Variants in CAPN14 observed in about 807,000 individuals in gnomAD.
CAPN14 encodes calpain-14.
A neutral mutation model predicts 101.3 loss-of-function variants in CAPN14; 94 were observed. The observed-to-expected ratio is 0.93, with a 90% CI of 0.79 to 1.10. The LOEUF is 1.10. CAPN14 is among the 50% of genes least tolerant of loss of function. The pLI, the probability that CAPN14 is intolerant of heterozygous loss-of-function variation, is 0.00. For synonymous variants in CAPN14, 338 were observed against 317.9 expected (o/e 1.06, Z -0.67); for missense variants, 837 against 828.4 (o/e 1.01, Z -0.13).
At chr2:31,233,678 C>A (rs897043442) in intron 1 of CAPN14, 1 of 152,068 alleles carries the variant, frequency 6.6e-6, no homozygotes, top group Non-Finnish European at 1.5e-5. Flanking sequence ...TTTGACTTCA[C>A]CCTAAGCCTA....
At position 31,189,371 on chromosome 2, in the gene CAPN14, A is replaced by T. The variant is rs370557764; in HGVS notation, c.1395T>A (p.Cys465Ter). The change falls in exon 13 of 22, where the codon TGT becomes TGA. Residue 465 changes from cysteine to a stop codon, truncating the protein, a stop_gained. Coordinates refer to ENST00000403897, the MANE Select transcript of CAPN14 (RefSeq NM_001145122.2). LOFTEE classifies it high-confidence loss of function. ...CGATGAGGTACGTCCCTGGTTCCAG[A>T]CACAGCTCCTGACTCACTTCTTTCT... ...LKEKEVSQEL[C>*]LEPGTYLIVP... 7.7e-6 allele frequency: 12 copies of T among 1,551,636 alleles called. No homozygotes were observed. In the African/African-American group the frequency reaches 1.5e-4, roughly 19 times the overall value.
chr2:31,230,840 T>C lies in CAPN14; in HGVS notation c.-177+2951A>G, dbSNP rs1572454933. The stretch of plus-strand genomic sequence containing the variant: ...TAAATTTTGCTAGTGCTAAACTTAG[T>C]TTTTTTCATTTTTCAGTTTGTGCTT... On this transcript the variant is annotated intron_variant and NMD_transcript_variant, in intron 1 of 21. Transcript: ENST00000398824. This position sits in a 1 kb window ranked among gnomAD's most constrained non-coding sequence, Gnocchi z 4.3. Among the ~76,000 whole-genome samples the C allele has an allele frequency of 1.3e-5, 2 of 152,188 alleles. No homozygotes were observed. Among genetic ancestry groups the C allele is most frequent in the African/African-American group, 4.8e-5 (2 of 41,444 alleles).
In CAPN14 at chr2:31,192,050, T is replaced by C; in HGVS notation, c.1163A>G (p.Glu388Gly). Reference sequence around the variant, plus strand: ...GGGCCTCAGGGATCTCCTGCCCTCCTCGGGCCTCCAGACAGACAGCAGGAA... The same window carrying C: ...GGGCCTCAGGGATCTCCTGCCCTCCCCGGGCCTCCAGACAGACAGCAGGAA... Reference protein sequence around the residue: ...PQFLLSVWRPEEGRRSLRPCS... With the variant: ...PQFLLSVWRPGEGRRSLRPCS... The change falls in exon 11 of 22, where the codon GAG (glutamate) becomes GGG (glycine). Residue 388 changes from glutamate to glycine, a missense_variant. Physicochemically the swap from Glu to Gly is moderately conservative, Grantham distance 98. Transcript: ENST00000403897. 1 of 1,551,418 alleles carries C rather than the reference T, an allele frequency of 6.4e-7. No homozygotes were observed. The highest frequency in any genetic ancestry group is 8.7e-7 in the Non-Finnish European group (1 of 1,146,860).
chr2:31,222,783 T>G (rs1682897921), intron 2 of CAPN14, among the ~76,000 whole-genome samples: 1 of 152,128 alleles, frequency 6.6e-6, no homozygotes, highest in African/African-American at 2.4e-5. Flanking sequence ...TTCAAAGATG[T>G]TACGGAGTGA....
chr2:31,204,922 C>A (rs1202866840), intron 2 of CAPN14, among the ~76,000 whole-genome samples: 3 of 152,128 alleles, frequency 2.0e-5, no homozygotes, highest in African/African-American at 7.2e-5. Flanking sequence ...TTGTGATTGC[C>A]ATCTGAAGTA....
At chr2:31,181,432 T>TTCTTTCTG (rs1680608125) in intron 16 of CAPN14, among the ~76,000 whole-genome samples, 1 of 147,536 alleles carries the variant, frequency 6.8e-6, no homozygotes, top group African/African-American at 2.6e-5. Context: ...CTTTCTTTCT[T>TTCTTTCTG]TCTTTCTTTC....
At chr2:31,204,036 A>T (rs540277882) in intron 2 of CAPN14, among the ~76,000 whole-genome samples, 5 of 152,238 alleles carry the variant, frequency 3.3e-5, no homozygotes, top group Admixed American at 2.0e-4. Context: ...TGGGGGTAGG[A>T]GGTTGGAGAG....
chr2:31,199,488 A>C lies in CAPN14; in HGVS notation c.771T>G (p.Thr257=), dbSNP rs779865378. ...AACCCACCTTCCTGATTCCTGTGAG[A>C]GTATAGGCATGGCCTTCCACCAGCC... ...ENGLVEGHAY[T]LTGIRKVTCK... The change falls in exon 7 of 22, where the codon ACT becomes ACG. Residue 257 remains threonine (T), a synonymous_variant. Coordinates refer to ENST00000403897, the MANE Select transcript of CAPN14 (RefSeq NM_001145122.2). 7.1e-6 allele frequency: 11 copies of C among 1,551,532 alleles called. No individual in the cohort carries two copies. The East Asian group carries it at 2.4e-4, about 34-fold the overall frequency.
chr2:31,203,004 T>G (rs1390023067), intron 3 of CAPN14, 66 bp downstream of exon 3: 1 of 1,369,340 alleles, frequency 7.3e-7, no homozygotes, highest in Non-Finnish European at 1.0e-6. Context: ...TATCAACCAC[T>G]CTGTCTTGGC....
rs190901747 is a variant in CAPN14 at position 31,180,404 on chromosome 2, C to G, written c.1710+532G>C. On this transcript the variant is annotated intron_variant, in intron 17 of 21. Coordinates refer to ENST00000403897, the MANE Select transcript of CAPN14 (RefSeq NM_001145122.2). Reference sequence around the variant, plus strand: ...ATGATCAAACATTGATTACAATTATCCACTTAGAAAGGCAGTGTGTTTGTT... The same window carrying G: ...ATGATCAAACATTGATTACAATTATGCACTTAGAAAGGCAGTGTGTTTGTT... Among the ~76,000 whole-genome samples, 5 of 152,280 alleles carry G rather than the reference C, an allele frequency of 3.3e-5. No individual in the cohort carries two copies. In the East Asian group the frequency reaches 7.7e-4, roughly 23 times the overall value.
At chr2:31,186,345 C>T in intron 16 of CAPN14, 83 bp downstream of exon 16, 1 of 950,344 alleles carries the variant, frequency 1.1e-6, no homozygotes. Flanking sequence ...TCACACATCC[C>T]ACCAAGGGAA....
chr2:31,187,124 C>T (rs891174518), intron 15 of CAPN14, among the ~76,000 whole-genome samples: 10 of 152,162 alleles, frequency 6.6e-5, no homozygotes, highest in African/African-American at 2.4e-4. Context: ...GTTTTAGTGA[C>T]ATTGCTCAAA....
chr2:31,174,560 G>T lies in CAPN14; in HGVS notation c.*121C>A. Reference sequence around the variant, plus strand: ...GAGAAACCTTCCCAGCTGAGAAGGTGACGGCTAGTGAGGCTGTCCTGAAGA... The same window carrying T: ...GAGAAACCTTCCCAGCTGAGAAGGTTACGGCTAGTGAGGCTGTCCTGAAGA... On this transcript the variant is annotated 3_prime_UTR_variant, in exon 22 of 22. Transcript: ENST00000403897. 2 of 1,018,348 alleles carry T rather than the reference G, an allele frequency of 2.0e-6. No individual in the cohort carries two copies. The highest frequency in any genetic ancestry group is 3.0e-6 in the Non-Finnish European group (2 of 675,716). 63.1% of individuals were successfully genotyped at this position (1,018,348 alleles called of 1,614,324 possible).
chr2:31,202,611 A>T (rs543448737), intron 3 of CAPN14, among the ~76,000 whole-genome samples: 12 of 151,730 alleles, frequency 7.9e-5, no homozygotes, highest in Non-Finnish European at 1.5e-4. Flanking sequence ...ATCCTTCAGG[A>T]CTCCATTTCC....
chr2:31,180,345 G>C (rs1680528335), intron 17 of CAPN14, among the ~76,000 whole-genome samples: 2 of 152,092 alleles, frequency 1.3e-5, no homozygotes, highest in South Asian at 4.2e-4. Flanking sequence ...ACCCCCCTTA[G>C]GCTATCTATT....
Position 31,178,210 on chromosome 2 carries a change from T to G in CAPN14, c.1779+301A>C, listed in dbSNP as rs17010894. Among the ~76,000 whole-genome samples the G allele has an allele frequency of 5.5e-3, 841 of 152,242 alleles. 9 individuals carry two copies. The highest frequency in any genetic ancestry group is 0.019 in the African/African-American group (796 of 41,542). On this transcript the variant is annotated intron_variant, in intron 18 of 21. Transcript: ENST00000403897. ...AGAAGGAGCAAATTTATGAAAGACTTTAAATGCCAAGTGTGCCAAGGAGTT... is the reference window on the plus strand; with the variant it reads ...AGAAGGAGCAAATTTATGAAAGACTGTAAATGCCAAGTGTGCCAAGGAGTT...
Position 31,189,232 on chromosome 2 carries a change from C to T in CAPN14, c.1493+41G>A, listed in dbSNP as rs1572401398. Reference sequence around the variant, plus strand: ...CTTGCCCTCCTTGCCTGTCCTCGTCCAAGTGGTCCCCACCCTCTAGGAGAG... The same window carrying T: ...CTTGCCCTCCTTGCCTGTCCTCGTCTAAGTGGTCCCCACCCTCTAGGAGAG... On this transcript the variant is annotated intron_variant, in intron 13 of 21. Coordinates refer to ENST00000403897, the MANE Select transcript of CAPN14 (RefSeq NM_001145122.2). 4 of 1,535,718 alleles carry T rather than the reference C, an allele frequency of 2.6e-6. No individual in the cohort carries two copies. The East Asian group carries it at 9.8e-5, about 38-fold the overall frequency.
intron 3 of CAPN14, 86 bp downstream of exon 3, chr2:31,202,984 T>C (rs868215139): frequency 6.6e-5 from 78 of 1,179,902 alleles, no homozygotes; most frequent in Middle Eastern, 5.2e-4. Flanking sequence ...GATCTCTGGC[T>C]TCTCTTCTTT....
chr2:31,178,362 T>G, intron 18 of CAPN14, 149 bp downstream of exon 18: 5 of 647,612 alleles, frequency 7.7e-6, no homozygotes. Context: ...AAGAGACCAA[T>G]AGAGGAAATG....
Sources: allele counts gnomAD v4.1 joint callset (sites outside exome capture counted in the v4.1 genomes callset), GRCh38; gene constraint gnomAD v4.1.1; non-coding constraint Gnocchi (gnomAD v3.1); transcripts MANE v1.5; gene names NCBI Gene and HGNC (gene_info 2026-07-23, HGNC 2026-07-21).